Variants in UNC5C observed in about 807,000 individuals in gnomAD.
UNC5C encodes the protein netrin receptor UNC5C.
In UNC5C, 47 loss-of-function variants were observed where a neutral mutation model predicts 99.8. The observed-to-expected ratio is 0.47, with a 90% CI of 0.37 to 0.60. The LOEUF is 0.60. Among genes scored for constraint, UNC5C ranks in the 20% least tolerant of loss-of-function variants. The pLI, the probability that UNC5C is intolerant of heterozygous loss-of-function variation, is 0.00. For missense variants in UNC5C, 1,062 were observed against 1,165.9 expected (o/e 0.91, Z 1.30); for synonymous variants, 487 against 452.2 (o/e 1.08, Z -0.98).
intron 1 of UNC5C, among the ~76,000 whole-genome samples, chr4:95,416,112 G>A (rs1746157820): frequency 6.6e-6 from 1 of 152,088 alleles, no homozygotes; most frequent in South Asian, 2.1e-4. Flanking sequence ...ACAAATAGCT[G>A]GAGAATGGAA....
intron 1 of UNC5C, among the ~76,000 whole-genome samples, chr4:95,398,044 C>CTTTTTTTTTTTTTTTTTTTTTTTTTT (rs34609153): frequency 2.1e-5 from 2 of 95,922 alleles, no homozygotes; most frequent in African/African-American, 4.9e-5. Context: ...CCAAATGTAG[C>CTTTTTTTTTTTTTTTTTTTTTTTTTT]TTTTTTTTTT....
chr4:95,352,926 T>C (rs1158050074), intron 1 of UNC5C, among the ~76,000 whole-genome samples: 5 of 152,156 alleles, frequency 3.3e-5, no homozygotes, highest in Admixed American at 6.6e-5. Context: ...TGTGGAATTA[T>C]AACAGCTTCT....
At position 95,224,986 on chromosome 4, in the gene UNC5C, T is replaced by C. The variant is rs140276221; in HGVS notation, c.1109-4810A>G. ...CGAAAGTCCTGACAGAAAGACAGAA[T>C]GGTTAGAGGGTGGGGAGCAAGCAAG... On this transcript the variant is annotated intron_variant, in intron 7 of 15. Transcript: ENST00000453304. 6.2e-3 allele frequency among the ~76,000 whole-genome samples: 943 copies of C among 150,950 alleles called. 10 individuals carry two copies. The highest frequency in any genetic ancestry group is 0.022 in the African/African-American group (897 of 41,110).
intron 3 of UNC5C, among the ~76,000 whole-genome samples, chr4:95,287,430 C>T (rs1175986515): frequency 6.6e-6 from 1 of 152,124 alleles, no homozygotes; most frequent in African/African-American, 2.4e-5. Flanking sequence ...TTTTCGGAAC[C>T]AATGTTGTCA....
chr4:95,359,858 T>G (rs1216515662), intron 1 of UNC5C, among the ~76,000 whole-genome samples: 1 of 152,184 alleles, frequency 6.6e-6, no homozygotes, highest in Admixed American at 6.6e-5. Context: ...ACTTACAATA[T>G]GCCAGGTATC....
At chr4:95,262,978 C>G (rs1346013543) in intron 4 of UNC5C, among the ~76,000 whole-genome samples, 1 of 152,018 alleles carries the variant, frequency 6.6e-6, no homozygotes, top group Non-Finnish European at 1.5e-5. Context: ...TCATGCCTGG[C>G]TAATTTTGTA....
At chr4:95,479,270 T>G (rs1399074474) in intron 1 of UNC5C, among the ~76,000 whole-genome samples, 1 of 152,054 alleles carries the variant, frequency 6.6e-6, no homozygotes, top group Non-Finnish European at 1.5e-5. Flanking sequence ...ACTTTATATG[T>G]ACATTCTTCC....
chr4:95,398,044 C>CTTTTTTTTTTTTTTTTTTTTT (rs34609153), intron 1 of UNC5C, among the ~76,000 whole-genome samples: 7 of 95,902 alleles, frequency 7.3e-5, no homozygotes, highest in East Asian at 3.6e-4. Flanking sequence ...CCAAATGTAG[C>CTTTTTTTTTTTTTTTTTTTTT]TTTTTTTTTT....
In UNC5C at chr4:95,164,803, G is replaced by T. The variant is rs1007775879; in HGVS notation, c.*4431C>A. 1 of 152,220 alleles carries T rather than the reference G, an allele frequency of 6.6e-6. No homozygotes were observed. Among genetic ancestry groups the T allele is most frequent in the Non-Finnish European group, 1.5e-5 (1 of 68,038 alleles). 9.4% of individuals were successfully genotyped at this position (152,220 alleles called of 1,614,324 possible). A position where few individuals can be genotyped will look rare whatever the true frequency, so the allele number is the denominator to read the frequency against. On this transcript the variant is annotated 3_prime_UTR_variant, in exon 16 of 16. Transcript: ENST00000453304. ...GTTCTCCACATGAAACTGATGACTTGTCCAGAACAACTGCCCAGCAAAAGC... is the reference window on the plus strand; with the variant it reads ...GTTCTCCACATGAAACTGATGACTTTTCCAGAACAACTGCCCAGCAAAAGC...
chr4:95,330,842 G>A (rs557731109), intron 2 of UNC5C, among the ~76,000 whole-genome samples: 5 of 151,944 alleles, frequency 3.3e-5, no homozygotes, highest in African/African-American at 9.7e-5. Flanking sequence ...TAATTTATGG[G>A]ATATAAGTAT....
chr4:95,325,125 G>A (rs1742838969), intron 2 of UNC5C, among the ~76,000 whole-genome samples: 1 of 152,174 alleles, frequency 6.6e-6, no homozygotes, highest in Non-Finnish European at 1.5e-5. Context: ...TGGTAAAGGT[G>A]AAACTATGGG....
At chr4:95,425,073 C>T (rs1746439183) in intron 1 of UNC5C, among the ~76,000 whole-genome samples, 1 of 152,090 alleles carries the variant, frequency 6.6e-6, no homozygotes. Flanking sequence ...TGTTACTTGT[C>T]ACTTTTCCAC....
chr4:95,345,614 TAA>T (rs1165239575), intron 1 of UNC5C, among the ~76,000 whole-genome samples: 1 of 151,862 alleles, frequency 6.6e-6, no homozygotes, highest in Non-Finnish European at 1.5e-5. Context: ...TGCCACAAAA[TAA>T]GTCTTAAAAA....
intron 14 of UNC5C, among the ~76,000 whole-genome samples, chr4:95,175,021 C>G (rs1736278518): frequency 6.6e-6 from 1 of 151,672 alleles, no homozygotes; most frequent in Non-Finnish European, 1.5e-5. Flanking sequence ...CTTTTTTGAT[C>G]TTTGTTGGTT....
intron 1 of UNC5C, among the ~76,000 whole-genome samples, chr4:95,469,486 T>G (rs1437993491): frequency 6.6e-6 from 1 of 152,164 alleles, no homozygotes; most frequent in Non-Finnish European, 1.5e-5. Context: ...AAGGCTGCAT[T>G]TTCAGTACAA....
chr4:95,517,962 C>T (rs62305968), intron 1 of UNC5C, among the ~76,000 whole-genome samples: 10,988 of 152,014 alleles, frequency 0.072, 529 homozygotes, highest in Non-Finnish European at 0.11. Context: ...CTGCAAGTGA[C>T]GTGAGTGACG....
intron 1 of UNC5C, among the ~76,000 whole-genome samples, chr4:95,427,199 A>T (rs908086219): frequency 2.0e-5 from 3 of 152,156 alleles, no homozygotes; most frequent in African/African-American, 7.2e-5. Context: ...ACTTGAATGG[A>T]TGAGGAGTTG....
At chr4:95,471,082 A>C (rs1747952816) in intron 1 of UNC5C, among the ~76,000 whole-genome samples, 1 of 151,944 alleles carries the variant, frequency 6.6e-6, no homozygotes. Flanking sequence ...CAACTTCTTA[A>C]ATTTAAATAT....
At chr4:95,513,211 G>A (rs1722125238) in intron 1 of UNC5C, among the ~76,000 whole-genome samples, 1 of 152,190 alleles carries the variant, frequency 6.6e-6, no homozygotes. Context: ...AACAACTAAT[G>A]TGGGCTGCTC....
Sources: allele counts gnomAD v4.1 joint callset (sites outside exome capture counted in the v4.1 genomes callset), GRCh38; gene constraint gnomAD v4.1.1; transcripts MANE v1.5; gene names NCBI Gene and HGNC (gene_info 2026-07-23, HGNC 2026-07-21).